The following PTPN12 variants were observed in gnomAD, a reference collection of about 807,000 sequenced individuals.
PTPN12 encodes the protein tyrosine-protein phosphatase non-receptor type 12.
PTPN12 carries 29 observed loss-of-function variants against 97.6 expected under a neutral mutation model. That is an observed-to-expected ratio of 0.30 (90% CI 0.22 to 0.41). The LOEUF is 0.41. PTPN12 is among the 10% of genes least tolerant of loss of function. The pLI is 1.00. For synonymous variants in PTPN12, 327 were observed against 300.4 expected, an observed-to-expected ratio of 1.09 and a Z score of -0.91; for missense variants, 819 against 926.0, an observed-to-expected ratio of 0.88 and a Z score of 1.50.
At chr7:77,566,599 G>A (rs561897945) in intron 1 of PTPN12, among the ~76,000 whole-genome samples, 59 of 152,254 alleles carry the variant, frequency 3.9e-4, no homozygotes, top group African/African-American at 1.3e-3. Context: ...CGTGCCTATA[G>A]TCCCAGCTAC....
rs775784427 is a variant in PTPN12 at position 77,627,321 on chromosome 7, C to G, written c.1642C>G (p.Pro548Ala). The G allele has an allele frequency of 1.3e-5, 21 of 1,614,030 alleles. No individual in the cohort carries two copies. The highest frequency in any genetic ancestry group is 6.6e-5 in the South Asian group (6 of 91,080). ...TGGACCTGAAAATGCCATACCCATA[C>G]CTGATTTATCTGAAGGCAATTCCTC... is the stretch of plus-strand genomic sequence containing the variant. ...FHGPENAIPI[P>A]DLSEGNSSDI... The change falls in exon 13 of 18, where the codon CCT becomes GCT. Residue 548 changes from proline to alanine, a missense_variant. Pro to Ala is a conservative substitution (Grantham distance 27). Coordinates refer to ENST00000248594, the MANE Select transcript of PTPN12 (RefSeq NM_002835.4).
At chr7:77,609,065 C>A (rs1033578454) in intron 9 of PTPN12, among the ~76,000 whole-genome samples, 1 of 151,800 alleles carries the variant, frequency 6.6e-6, no homozygotes, top group Non-Finnish European at 1.5e-5. Flanking sequence ...ACTAAAAATA[C>A]AAAAATTAGC....
At chr7:77,599,165 T>C (rs1202440391) in intron 7 of PTPN12, among the ~76,000 whole-genome samples, 2 of 152,152 alleles carry the variant, frequency 1.3e-5, no homozygotes, top group East Asian at 3.8e-4. Context: ...CAAATATTTT[T>C]ATTCTATTGC....
At chr7:77,631,751 A>C (rs535590258) in intron 13 of PTPN12, among the ~76,000 whole-genome samples, 2 of 152,232 alleles carry the variant, frequency 1.3e-5, no homozygotes, top group Non-Finnish European at 2.9e-5. Flanking sequence ...TTAGCAATAA[A>C]TAAATGAAGA....
intron 1 of PTPN12, among the ~76,000 whole-genome samples, chr7:77,544,352 A>G (rs1807123226): frequency 6.6e-6 from 1 of 152,172 alleles, no homozygotes; most frequent in Non-Finnish European, 1.5e-5. Context: ...TGGTTTAGTT[A>G]TGGTTTTCTT....
At chr7:77,613,378 T>A (rs1788640593) in intron 11 of PTPN12, among the ~76,000 whole-genome samples, 1 of 151,636 alleles carries the variant, frequency 6.6e-6, no homozygotes, top group Admixed American at 6.6e-5. Context: ...TTTCACCATG[T>A]TGGCCAGGCT....
At chr7:77,566,731 A>T (rs1323689010) in intron 1 of PTPN12, among the ~76,000 whole-genome samples, 1 of 152,140 alleles carries the variant, frequency 6.6e-6, no homozygotes, top group Non-Finnish European at 1.5e-5. Flanking sequence ...CTCAATAAAG[A>T]TCTTTAGGGT....
At position 77,627,549 on chromosome 7, in the gene PTPN12, A is replaced by G. The variant is rs977073067; in HGVS notation, c.1870A>G (p.Ile624Val). Reference protein sequence around the residue: ...DGAVTQNKTNISTASATVSAA... With the variant: ...DGAVTQNKTNVSTASATVSAA... ...TGCTGTGACCCAGAATAAAACTAAT[A>G]TTTCAACAGCAAGTGCCACAGTTTC... Residue 624 changes from isoleucine (I) to valine (V), a missense_variant, in exon 13 of 18, where the codon ATT (isoleucine) becomes GTT (valine). Transcript: ENST00000248594. The G allele has an allele frequency of 6.2e-7, 1 of 1,614,100 alleles. No homozygotes were observed. The highest frequency in any genetic ancestry group is 1.7e-5 in the Admixed American group (1 of 60,018).
At chr7:77,558,224 A>G (rs1012111645) in intron 1 of PTPN12, among the ~76,000 whole-genome samples, 4 of 151,154 alleles carry the variant, frequency 2.6e-5, no homozygotes, top group Non-Finnish European at 4.4e-5. Context: ...AAAAAAAAAA[A>G]AAAGAAAAAG....
intron 1 of PTPN12, among the ~76,000 whole-genome samples, chr7:77,543,522 T>C (rs1353761034): frequency 1.3e-5 from 2 of 152,216 alleles, no homozygotes; most frequent in Non-Finnish European, 2.9e-5. Context: ...TAATAATAGC[T>C]TTATTGAGAT....
chr7:77,540,636 C>G (rs1806923319), intron 1 of PTPN12, among the ~76,000 whole-genome samples: 1 of 145,540 alleles, frequency 6.9e-6, no homozygotes, highest in Non-Finnish European at 1.5e-5. Flanking sequence ...TAAGGCTATT[C>G]TTTTATAGGG....
At chr7:77,540,549 C>T (rs1232596991) in intron 1 of PTPN12, among the ~76,000 whole-genome samples, 1 of 151,844 alleles carries the variant, frequency 6.6e-6, no homozygotes, top group African/African-American at 2.4e-5. Context: ...TTCATTTCTC[C>T]AAGAGTAAAT....
intron 9 of PTPN12, among the ~76,000 whole-genome samples, chr7:77,609,273 C>CT (rs34358650): frequency 0.4 from 50,778 of 126,734 alleles, 11,089 homozygotes; most frequent in East Asian, 0.77. Context: ...CTCTCTCTCT[C>CT]TTTTTTTTTT....
At chr7:77,589,906 G>A (rs1787811505) in intron 5 of PTPN12, among the ~76,000 whole-genome samples, 1 of 152,156 alleles carries the variant, frequency 6.6e-6, no homozygotes, top group Admixed American at 6.5e-5. Context: ...AAATCAAGTA[G>A]CATTGAGTAC....
At chr7:77,592,303 T>TA in intron 6 of PTPN12, 47 bp downstream of exon 6, 2 of 1,382,996 alleles carry the variant, frequency 1.4e-6, no homozygotes, top group Non-Finnish European at 1.0e-6. Flanking sequence ...ATTGGCATGC[T>TA]ATACTGATGA....
intron 4 of PTPN12, 75 bp from the exon 5 acceptor site, chr7:77,585,468 T>A: frequency 7.5e-7 from 1 of 1,324,710 alleles, no homozygotes; most frequent in Non-Finnish European, 1.1e-6. Context: ...ATTCTTGAAA[T>A]CTGTATTTTA....
intron 12 of PTPN12, among the ~76,000 whole-genome samples, chr7:77,624,803 TA>T (rs892371254): frequency 7.9e-5 from 12 of 151,406 alleles, no homozygotes; most frequent in African/African-American, 2.9e-4. Context: ...TCTGGTTGGA[TA>T]AAAAAAGGTT....
intron 1 of PTPN12, among the ~76,000 whole-genome samples, chr7:77,568,894 C>G (rs910181484): frequency 2.6e-5 from 4 of 152,138 alleles, no homozygotes; most frequent in African/African-American, 9.7e-5. Context: ...AAAAATACAT[C>G]TTTTCAGATG....
chr7:77,562,797 A>G lies in PTPN12; in HGVS notation c.100-8281A>G, dbSNP rs182069901. Among the ~76,000 whole-genome samples, 580 of 152,326 alleles carry G rather than the reference A, an allele frequency of 3.8e-3. 7 individuals are homozygous for G. The highest frequency in any genetic ancestry group is 0.022 in the South Asian group (107 of 4,822). On this transcript the variant is annotated intron_variant, in intron 1 of 17. Coordinates refer to ENST00000248594, the MANE Select transcript of PTPN12 (RefSeq NM_002835.4). ...TTTCAATAAAATTAATGTATATGAC[A>G]AAATTTTATTGTCCTCCTAGTTCAA...
Sources: gnomAD v4.1 joint callset for allele counts (sites outside exome capture counted in the v4.1 genomes callset) on GRCh38, gnomAD v4.1.1 for gene constraint, MANE v1.5 for transcripts, NCBI Gene and HGNC (gene_info 2026-07-23, HGNC 2026-07-21) for gene names.